VPS41: variants seen among roughly 807,000 people sequenced by gnomAD.
VPS41 encodes vacuolar protein sorting-associated protein 41 homolog.
In VPS41, 85 loss-of-function variants were observed where a neutral mutation model predicts 130.9. The ratio of observed to expected loss-of-function variants is 0.65; its 90% CI spans 0.55 to 0.78. VPS41 has a LOEUF of 0.78. VPS41 is among the 30% of genes least tolerant of loss of function. The probability of loss-of-function intolerance (pLI) is 0.00; values close to 1 mark genes in which losing one functional copy is unlikely to be tolerated. For missense variants in VPS41, 874 were observed against 1,018.7 expected, an observed-to-expected ratio of 0.86 and a Z score of 1.93; for synonymous variants, 335 against 332.9, an observed-to-expected ratio of 1.01 and a Z score of -0.07.
intron 25 of VPS41, among the ~76,000 whole-genome samples, chr7:38,738,564 T>C (rs1795819656): frequency 6.6e-6 from 1 of 152,216 alleles, no homozygotes; most frequent in Non-Finnish European, 1.5e-5. Flanking sequence ...AAATTTATAA[T>C]GTTTTAAAAA....
chr7:38,819,268 G>T (rs976696634), intron 6 of VPS41, among the ~76,000 whole-genome samples: 8 of 152,326 alleles, frequency 5.3e-5, no homozygotes, highest in Admixed American at 5.2e-4. Flanking sequence ...CAGGCAGAGG[G>T]TCTAGGACTC....
intron 9 of VPS41, among the ~76,000 whole-genome samples, chr7:38,792,101 T>A (rs1008640695): frequency 3.3e-5 from 5 of 152,160 alleles, no homozygotes; most frequent in Admixed American, 1.3e-4. Context: ...AGAACAAGGA[T>A]GCATTGCACT....
intron 2 of VPS41, among the ~76,000 whole-genome samples, chr7:38,893,512 T>A (rs1227013501): frequency 1.3e-5 from 2 of 152,198 alleles, no homozygotes; most frequent in East Asian, 3.8e-4. Flanking sequence ...ATAATGTACT[T>A]CTTTGTTATG....
chr7:38,755,553 G>C (rs529687539), intron 19 of VPS41, among the ~76,000 whole-genome samples: 16 of 152,282 alleles, frequency 1.1e-4, no homozygotes, highest in African/African-American at 3.9e-4. Flanking sequence ...ACACCAGACT[G>C]AGCCTCACAC....
chr7:38,817,069 C>G (rs894585418), intron 7 of VPS41, among the ~76,000 whole-genome samples: 2 of 151,740 alleles, frequency 1.3e-5, no homozygotes, highest in African/African-American at 4.8e-5. Context: ...TTAAATAGCA[C>G]TGAGATAATA....
chr7:38,829,486 T>A (rs1785344272), intron 5 of VPS41, among the ~76,000 whole-genome samples: 1 of 152,216 alleles, frequency 6.6e-6, no homozygotes, highest in Non-Finnish European at 1.5e-5. Flanking sequence ...TCTCTCAAAC[T>A]GTTATTTTAG....
intron 25 of VPS41, among the ~76,000 whole-genome samples, chr7:38,728,997 C>T (rs796220479): frequency 6.6e-6 from 1 of 152,124 alleles, no homozygotes; most frequent in East Asian, 1.9e-4. Context: ...TTACTCTGTG[C>T]GTCATTTCAT....
chr7:38,850,339 G>A (rs540311825), intron 4 of VPS41, among the ~76,000 whole-genome samples: 7 of 152,208 alleles, frequency 4.6e-5, no homozygotes, highest in Non-Finnish European at 7.3e-5. Flanking sequence ...GTTCTTCTGA[G>A]AAGCACCTGT....
chr7:38,768,760 A>G (rs1433667448), intron 14 of VPS41, among the ~76,000 whole-genome samples: 1 of 152,088 alleles, frequency 6.6e-6, no homozygotes, highest in Non-Finnish European at 1.5e-5. Context: ...CTTTCTCCTC[A>G]CGTCCATGCT....
At chr7:38,785,008 AT>A (rs1784415052) in intron 10 of VPS41, among the ~76,000 whole-genome samples, 1 of 152,218 alleles carries the variant, frequency 6.6e-6, no homozygotes, top group African/African-American at 2.4e-5. Flanking sequence ...GTGTCAAGCA[AT>A]TTACAAATAA....
chr7:38,792,507 T>C (rs1405130144), intron 9 of VPS41, among the ~76,000 whole-genome samples: 1 of 152,188 alleles, frequency 6.6e-6, no homozygotes. Context: ...TGTCAACAAA[T>C]ACTGCAGAGT....
chr7:38,874,260 T>C (rs912120183), intron 2 of VPS41, among the ~76,000 whole-genome samples: 3 of 152,212 alleles, frequency 2.0e-5, no homozygotes, highest in Non-Finnish European at 2.9e-5. Flanking sequence ...AGAAAGATCA[T>C]CACATTTTCT....
intron 2 of VPS41, among the ~76,000 whole-genome samples, chr7:38,871,606 T>A (rs1426267961): frequency 2.0e-5 from 3 of 152,214 alleles, no homozygotes; most frequent in African/African-American, 7.2e-5. Context: ...AAAGTTCAAA[T>A]TCAGCTATGA....
intron 1 of VPS41, among the ~76,000 whole-genome samples, chr7:38,904,220 T>C (rs1562631206): frequency 6.6e-6 from 1 of 152,224 alleles, no homozygotes; most frequent in East Asian, 1.9e-4. Context: ...ATCTGATGAG[T>C]GTCCTCTCTC....
At chr7:38,842,413 A>G (rs574844809) in intron 4 of VPS41, among the ~76,000 whole-genome samples, 2 of 152,326 alleles carry the variant, frequency 1.3e-5, no homozygotes, top group South Asian at 4.1e-4. Context: ...CCCTGTTTAA[A>G]GTAAATTCCT....
chr7:38,817,947 C>T, intron 6 of VPS41, 65 bp from the exon 7 acceptor site: 1 of 1,241,670 alleles, frequency 8.1e-7, no homozygotes, highest in South Asian at 1.2e-5. Flanking sequence ...ATGAAAACCC[C>T]TGACACAGTT....
intron 10 of VPS41, among the ~76,000 whole-genome samples, chr7:38,787,001 A>G (rs1784449901): frequency 6.6e-6 from 1 of 152,224 alleles, no homozygotes; most frequent in South Asian, 2.1e-4. Context: ...AGACTGAAAA[A>G]AGAATGATGT....
At chr7:38,907,985 A>T (rs1385855746) in intron 1 of VPS41, among the ~76,000 whole-genome samples, 1 of 152,244 alleles carries the variant, frequency 6.6e-6, no homozygotes, top group Non-Finnish European at 1.5e-5. Context: ...AGACTTTGTT[A>T]TCTTGTTATC....
At chr7:38,880,619 A>G (rs968988725) in intron 2 of VPS41, among the ~76,000 whole-genome samples, 1 of 152,160 alleles carries the variant, frequency 6.6e-6, no homozygotes, top group African/African-American at 2.4e-5. Flanking sequence ...GACGTATTTA[A>G]TCTACTCAGG....
Sources: allele counts gnomAD v4.1 joint callset (sites outside exome capture counted in the v4.1 genomes callset), GRCh38; gene constraint gnomAD v4.1.1; transcripts MANE v1.5; gene names NCBI Gene and HGNC (gene_info 2026-07-23, HGNC 2026-07-21).